The following THSD7B variants were observed in gnomAD, a reference collection of about 807,000 sequenced individuals.
THSD7B encodes the protein thrombospondin type-1 domain-containing protein 7B.
Under a neutral mutation model 213.6 loss-of-function variants are expected in THSD7B, and 138 were observed. The observed-to-expected ratio is 0.65, with a 90% CI of 0.56 to 0.74. The LOEUF is 0.74. THSD7B is among the 30% of genes least tolerant of loss of function. THSD7B has a pLI of 0.00. For missense variants in THSD7B, 1,931 were observed against 1,991.5 expected (o/e 0.97, Z 0.58); for synonymous variants, 742 against 687.0 (o/e 1.08, Z -1.25).
chr2:137,167,532 G>A lies in THSD7B; in HGVS notation c.1526-3209G>A, dbSNP rs565172462. Among the ~76,000 whole-genome samples, 312 of 152,172 alleles carry A rather than the reference G, an allele frequency of 2.1e-3. 1 individual carries two copies. The highest frequency in any genetic ancestry group is 7.2e-3 in the African/African-American group (300 of 41,516). The stretch of plus-strand genomic sequence containing the variant: ...ATCCACTAACTCATGCAGAAATACA[G>A]CCCTCAGATCTGGATATACCCTCCG... On this transcript the variant is annotated intron_variant, in intron 6 of 27. Coordinates refer to ENST00000409968, the MANE Select transcript of THSD7B (RefSeq NM_001316349.2).
intron 17 of THSD7B, among the ~76,000 whole-genome samples, chr2:137,606,244 A>G (rs1172192820): frequency 6.6e-6 from 1 of 152,164 alleles, no homozygotes; most frequent in African/African-American, 2.4e-5. Context: ...AAAATGAAAG[A>G]ATACATCCTG....
intron 9 of THSD7B, among the ~76,000 whole-genome samples, chr2:137,241,201 A>T (rs1350363822): frequency 6.6e-6 from 1 of 152,218 alleles, no homozygotes; most frequent in Non-Finnish European, 1.5e-5. Flanking sequence ...TCCAATACAG[A>T]GCTCACACTA....
At chr2:137,482,154 TG>T (rs1688324004) in intron 15 of THSD7B, among the ~76,000 whole-genome samples, 1 of 143,848 alleles carries the variant, frequency 7.0e-6, no homozygotes, top group Non-Finnish European at 1.5e-5. Context: ...CATTCCAGCC[TG>T]GGTGGCAGAG....
intron 13 of THSD7B, among the ~76,000 whole-genome samples, chr2:137,407,106 C>T (rs185060940): frequency 1.3e-5 from 2 of 152,072 alleles, no homozygotes; most frequent in East Asian, 3.9e-4. Flanking sequence ...AAAGTTTATT[C>T]ATGATAGTTT....
At chr2:136,889,620 T>C (rs1219846036) in intron 2 of THSD7B, among the ~76,000 whole-genome samples, 2 of 152,242 alleles carry the variant, frequency 1.3e-5, no homozygotes, top group African/African-American at 2.4e-5. Flanking sequence ...TCCTTCTTTA[T>C]TGTTTTGCTT....
chr2:137,537,978 A>G (rs1447215403), intron 15 of THSD7B, among the ~76,000 whole-genome samples: 1 of 151,750 alleles, frequency 6.6e-6, no homozygotes, highest in African/African-American at 2.4e-5. Flanking sequence ...TAAGGAGGAA[A>G]GAAAGATACA....
chr2:137,140,948 A>G (rs1480455347), intron 5 of THSD7B, among the ~76,000 whole-genome samples: 2 of 152,210 alleles, frequency 1.3e-5, no homozygotes, highest in Non-Finnish European at 2.9e-5. Context: ...TTCTATCTCA[A>G]GAGGTGATAT....
intron 1 of THSD7B, among the ~76,000 whole-genome samples, chr2:136,855,477 G>T (rs1044999850): frequency 1.3e-5 from 2 of 151,952 alleles, no homozygotes; most frequent in African/African-American, 4.8e-5. Context: ...CCAGACTAGA[G>T]CACAGTGGCA....
At chr2:137,605,423 T>C (rs1682154588) in intron 17 of THSD7B, among the ~76,000 whole-genome samples, 1 of 152,048 alleles carries the variant, frequency 6.6e-6, no homozygotes, top group South Asian at 2.1e-4. Context: ...GTCAGGCACA[T>C]AAGTACAAAA....
At chr2:136,935,102 G>T (rs1194213883) in intron 2 of THSD7B, among the ~76,000 whole-genome samples, 3 of 152,144 alleles carry the variant, frequency 2.0e-5, no homozygotes, top group Non-Finnish European at 4.4e-5. Flanking sequence ...GCAATTAGAG[G>T]TTCATATTCA....
intron 1 of THSD7B, among the ~76,000 whole-genome samples, chr2:136,877,736 G>A (rs888513522): frequency 8.6e-5 from 13 of 152,012 alleles, no homozygotes; most frequent in African/African-American, 3.1e-4. Context: ...GAAGTAATGT[G>A]TTCAGCACAT....
At chr2:137,225,940 A>C (rs749920345) in intron 7 of THSD7B, among the ~76,000 whole-genome samples, 36 of 151,734 alleles carry the variant, frequency 2.4e-4, no homozygotes, top group Non-Finnish European at 4.7e-4. Flanking sequence ...GAATATAAAC[A>C]TTTCCTTAGC....
rs201685266 is a variant in THSD7B, at chr2:137,655,576, G to C, written c.4021G>C (p.Ala1341Pro). 7.9e-4 allele frequency: 1,281 copies of C among 1,612,812 alleles called. 1 individual carries two copies. Among genetic ancestry groups the C allele is most frequent in the Non-Finnish European group, 9.8e-4 (1,153 of 1,179,474 alleles). ...MVHSGSISHA[A>P]GRVEDALCGE... ...CCACAGTGGTTCAATATCTCATGCA[G>C]CTGGACGTGTCGAGGATGCACTGTG... The change falls in exon 22 of 28, where the codon GCT becomes CCT. Residue 1341 changes from alanine to proline, a missense_variant. Ala to Pro is a conservative substitution (Grantham distance 27, BLOSUM62 -1). Transcript: ENST00000409968.
intron 12 of THSD7B, among the ~76,000 whole-genome samples, chr2:137,402,209 G>T (rs1178399122): frequency 6.6e-6 from 1 of 152,144 alleles, no homozygotes; most frequent in African/African-American, 2.4e-5. Flanking sequence ...AGGGCATGAA[G>T]AATTAAATAA....
chr2:137,396,547 G>C (rs1175796992), intron 12 of THSD7B, among the ~76,000 whole-genome samples: 1 of 143,536 alleles, frequency 7.0e-6, no homozygotes, highest in Non-Finnish European at 1.5e-5. Context: ...TATAATCTCT[G>C]TTCTTTTACA....
intron 12 of THSD7B, among the ~76,000 whole-genome samples, chr2:137,305,699 T>TC (rs2104852814): frequency 6.6e-6 from 1 of 152,236 alleles, no homozygotes; most frequent in East Asian, 1.9e-4. Context: ...TCTTAGACTC[T>TC]CCCTTGTGAC....
chr2:137,111,291 C>T (rs752342309), intron 4 of THSD7B, among the ~76,000 whole-genome samples: 1 of 152,198 alleles, frequency 6.6e-6, no homozygotes, highest in Non-Finnish European at 1.5e-5. Flanking sequence ...GATCAACATT[C>T]ACTTGTCCTT....
intron 4 of THSD7B, among the ~76,000 whole-genome samples, chr2:137,107,128 T>C (rs1306681000): frequency 1.3e-5 from 2 of 152,150 alleles, no homozygotes; most frequent in Non-Finnish European, 2.9e-5. Flanking sequence ...TAACAAAGGC[T>C]TGGAACCAAC....
intron 12 of THSD7B, among the ~76,000 whole-genome samples, chr2:137,276,650 T>G (rs1682882343): frequency 6.6e-6 from 1 of 152,080 alleles, no homozygotes; most frequent in African/African-American, 2.4e-5. Context: ...GACTGCTCAC[T>G]TTTCTATTTC....
Sources: gnomAD v4.1 joint callset for allele counts (sites outside exome capture counted in the v4.1 genomes callset) on GRCh38, gnomAD v4.1.1 for gene constraint, MANE v1.5 for transcripts, NCBI Gene and HGNC (gene_info 2026-07-23, HGNC 2026-07-21) for gene names.